Variants in EPHA6 observed in about 807,000 individuals in gnomAD.
EPHA6 encodes EPH receptor A6.
In EPHA6, 50 loss-of-function variants were observed where a neutral mutation model predicts 112.0. The observed-to-expected ratio is 0.45, with a 90% CI of 0.36 to 0.56. The LOEUF (loss-of-function observed/expected upper bound fraction) is 0.56. Among genes scored for constraint, EPHA6 ranks in the 20% least tolerant of loss-of-function variants. The probability of loss-of-function intolerance (pLI) is 0.00; values close to 1 mark genes in which losing one functional copy is unlikely to be tolerated. For synonymous variants in EPHA6, 529 were observed against 490.7 expected (o/e 1.08, Z -1.03); for missense variants, 1,280 against 1,417.4 (o/e 0.90, Z 1.56).
chr3:97,737,539 T>A (rs139381622), intron 16 of EPHA6, among the ~76,000 whole-genome samples: 85 of 152,078 alleles, frequency 5.6e-4, no homozygotes, highest in Non-Finnish European at 9.4e-4. Context: ...AGAAAAAGAA[T>A]CAAAGATGTT....
intron 7 of EPHA6, among the ~76,000 whole-genome samples, chr3:97,474,693 G>A (rs993718042): frequency 6.6e-6 from 1 of 151,938 alleles, no homozygotes; most frequent in Non-Finnish European, 1.5e-5. Flanking sequence ...CAGCTCATGT[G>A]CTTTTAAGAG....
intron 6 of EPHA6, among the ~76,000 whole-genome samples, chr3:97,438,423 A>G (rs932263243): frequency 6.6e-6 from 1 of 152,194 alleles, no homozygotes; most frequent in Non-Finnish European, 1.5e-5. Context: ...TAGAAGCACT[A>G]TATGCTAGCA....
chr3:97,320,453 T>C (rs1047988790), intron 5 of EPHA6, among the ~76,000 whole-genome samples: 1 of 151,978 alleles, frequency 6.6e-6, no homozygotes, highest in Admixed American at 6.6e-5. Context: ...GCAAATCTTT[T>C]CTGAATGCTC....
intron 3 of EPHA6, among the ~76,000 whole-genome samples, chr3:97,160,906 A>T (rs2076399894): frequency 6.6e-6 from 1 of 152,116 alleles, no homozygotes; most frequent in Non-Finnish European, 1.5e-5. Flanking sequence ...TCTATAAATC[A>T]GGTACCAGGC....
intron 14 of EPHA6, among the ~76,000 whole-genome samples, chr3:97,649,445 A>G (rs1192543080): frequency 6.6e-6 from 1 of 152,080 alleles, no homozygotes; most frequent in Non-Finnish European, 1.5e-5. Flanking sequence ...ACATAGAAAA[A>G]GCTACATATA....
In EPHA6 at chr3:97,595,869, T is replaced by C. The variant is rs538135555; in HGVS notation, c.2512+3132T>C. On this transcript the variant is annotated intron_variant, in intron 12 of 17. Coordinates refer to ENST00000389672, the MANE Select transcript of EPHA6 (RefSeq NM_001080448.3). ...ATTCTACCACCTTGAAAAGAATGTG[T>C]CCCTCTTTTAAATATGTTATCAGAC... Among the ~76,000 whole-genome samples, 127 of 151,506 alleles carry C rather than the reference T, an allele frequency of 8.4e-4. 1 individual carries two copies. Among genetic ancestry groups the C allele is most frequent in the African/African-American group, 2.5e-3 (102 of 41,390 alleles).
At chr3:97,509,261 A>T (rs1384746406) in intron 10 of EPHA6, among the ~76,000 whole-genome samples, 1 of 151,784 alleles carries the variant, frequency 6.6e-6, no homozygotes, top group Non-Finnish European at 1.5e-5. Flanking sequence ...CCATTAGTTG[A>T]TGCAGTTTCT....
chr3:97,170,090 C>T (rs1003373441), intron 3 of EPHA6, among the ~76,000 whole-genome samples: 1 of 150,742 alleles, frequency 6.6e-6, no homozygotes, highest in Admixed American at 6.6e-5. Context: ...TGTAACAAAC[C>T]TGCACATTTA....
At chr3:96,881,051 G>A (rs1190117202) in intron 2 of EPHA6, among the ~76,000 whole-genome samples, 1 of 152,076 alleles carries the variant, frequency 6.6e-6, no homozygotes, top group African/African-American at 2.4e-5. Flanking sequence ...AGGAATTTCT[G>A]GGTCATATCC....
At chr3:96,880,535 T>A (rs910426058) in intron 2 of EPHA6, among the ~76,000 whole-genome samples, 1 of 152,266 alleles carries the variant, frequency 6.6e-6, no homozygotes. Flanking sequence ...TTAAAAAAAA[T>A]TGAGTTGAAA....
At chr3:97,591,323 A>G (rs2093542504) in intron 11 of EPHA6, among the ~76,000 whole-genome samples, 1 of 152,200 alleles carries the variant, frequency 6.6e-6, no homozygotes, top group Non-Finnish European at 1.5e-5. Flanking sequence ...TAGTGTGCCC[A>G]GTTCCTTTAA....
At chr3:97,559,672 A>G (rs1248283169) in intron 11 of EPHA6, 1 of 454,976 alleles carries the variant, frequency 2.2e-6, no homozygotes, top group African/African-American at 2.0e-5. Flanking sequence ...GTACCTGAAA[A>G]GCAATAGAGC....
chr3:97,261,949 A>T (rs2079517891), intron 5 of EPHA6, among the ~76,000 whole-genome samples: 1 of 152,198 alleles, frequency 6.6e-6, no homozygotes, highest in South Asian at 2.1e-4. Context: ...TGAGCTCTTA[A>T]CCATTAGGAC....
At chr3:97,713,647 G>T (rs1389496457) in intron 14 of EPHA6, among the ~76,000 whole-genome samples, 2 of 152,310 alleles carry the variant, frequency 1.3e-5, no homozygotes, top group Non-Finnish European at 2.9e-5. Flanking sequence ...AATCCCATGT[G>T]CATGCATGCA....
At chr3:97,462,069 G>A (rs530430795) in intron 7 of EPHA6, among the ~76,000 whole-genome samples, 24 of 152,274 alleles carry the variant, frequency 1.6e-4, no homozygotes, top group Non-Finnish European at 2.4e-4. Flanking sequence ...TTAGAAGCTC[G>A]AACTCAGGAA....
chr3:96,947,412 T>C (rs919761508), intron 2 of EPHA6, among the ~76,000 whole-genome samples: 6 of 152,302 alleles, frequency 3.9e-5, no homozygotes, highest in Admixed American at 3.9e-4. Flanking sequence ...TAGCCAGTTT[T>C]CCCAGCACCA....
At chr3:97,679,622 T>G (rs1457717087) in intron 14 of EPHA6, among the ~76,000 whole-genome samples, 1 of 152,166 alleles carries the variant, frequency 6.6e-6, no homozygotes, top group Admixed American at 6.6e-5. Flanking sequence ...TAAATACACC[T>G]AAGAGTAAAC....
chr3:96,917,284 G>T (rs72916435), intron 2 of EPHA6, among the ~76,000 whole-genome samples: 2,039 of 151,760 alleles, frequency 0.013, 49 homozygotes, highest in African/African-American at 0.045. Flanking sequence ...AGTCAGGCAT[G>T]GTGCCAGGCA....
chr3:97,003,241 G>A (rs1474570957), intron 3 of EPHA6, among the ~76,000 whole-genome samples: 1 of 152,102 alleles, frequency 6.6e-6, no homozygotes, highest in Non-Finnish European at 1.5e-5. Flanking sequence ...CCAAGTAGCT[G>A]GGATTACAGG....
Sources: gnomAD v4.1 joint callset for allele counts (sites outside exome capture counted in the v4.1 genomes callset) on GRCh38, gnomAD v4.1.1 for gene constraint, MANE v1.5 for transcripts, NCBI Gene and HGNC (gene_info 2026-07-23, HGNC 2026-07-21) for gene names.